The following RHOH variants were observed in gnomAD, a reference collection of about 807,000 sequenced individuals.
RHOH encodes ras homolog family member H.
A neutral mutation model predicts 13.8 loss-of-function variants in RHOH; 6 were observed. That is an observed-to-expected ratio of 0.44 (90% CI 0.24 to 0.86). RHOH has a LOEUF of 0.86. Ranked by LOEUF, RHOH falls within the 40% of genes least tolerant of loss-of-function variation. The pLI is 0.24. For missense variants in RHOH, 147 were observed against 244.5 expected (o/e 0.60, Z 2.66); for synonymous variants, 117 against 103.0 (o/e 1.14, Z -0.82).
intron 1 of RHOH, among the ~76,000 whole-genome samples, chr4:40,210,170 A>C (rs1203086543): frequency 6.6e-6 from 1 of 151,830 alleles, no homozygotes; most frequent in Non-Finnish European, 1.5e-5. Context: ...CATGATCATA[A>C]GAGGACAGCT....
chr4:40,198,928 CT>C (rs74738163), intron 1 of RHOH, among the ~76,000 whole-genome samples: 2 of 151,926 alleles, frequency 1.3e-5, no homozygotes, highest in African/African-American at 4.8e-5. Flanking sequence ...AATTCAGACA[CT>C]TTTTTTCTGG....
intron 1 of RHOH, among the ~76,000 whole-genome samples, chr4:40,202,523 G>A (rs553155122): frequency 1.3e-5 from 2 of 152,322 alleles, no homozygotes; most frequent in East Asian, 3.8e-4. Context: ...ATCTTGAGTA[G>A]TTTTAACATT....
At chr4:40,221,362 A>G (rs1349965639) in intron 1 of RHOH, among the ~76,000 whole-genome samples, 1 of 152,110 alleles carries the variant, frequency 6.6e-6, no homozygotes, top group African/African-American at 2.4e-5. Context: ...CTCCACAGAT[A>G]TTGCATTTTA....
At chr4:40,223,293 G>C (rs978846163) in intron 1 of RHOH, among the ~76,000 whole-genome samples, 1 of 152,102 alleles carries the variant, frequency 6.6e-6, no homozygotes, top group African/African-American at 2.4e-5. Flanking sequence ...ATGCTACAGA[G>C]AAATCTTTCA....
At chr4:40,203,555 A>T (rs867515787) in intron 1 of RHOH, among the ~76,000 whole-genome samples, 5 of 150,606 alleles carry the variant, frequency 3.3e-5, no homozygotes, top group East Asian at 1.9e-4. Context: ...AGAGAGAGAG[A>T]GTGTGTGTGT....
At position 40,207,818 on chromosome 4, in the gene RHOH, T is replaced by C. The variant is rs574559043; in HGVS notation, c.-331+10518T>C. Among the ~76,000 whole-genome samples, 5 of 152,144 alleles carry C rather than the reference T, an allele frequency of 3.3e-5. No homozygotes were observed. In the East Asian group the frequency reaches 9.7e-4, roughly 29 times the overall value. On this transcript the variant is annotated intron_variant, in intron 1 of 2. Transcript: ENST00000381799. ...CTGGTCTCTACTAAAAATACAAAAATTAGCCAGGCGTGGTTGCTCACACCT... is the reference window on the plus strand; with the variant it reads ...CTGGTCTCTACTAAAAATACAAAAACTAGCCAGGCGTGGTTGCTCACACCT...
intron 1 of RHOH, among the ~76,000 whole-genome samples, chr4:40,219,329 T>C (rs761331862): frequency 1.3e-5 from 2 of 151,210 alleles, no homozygotes; most frequent in Admixed American, 1.3e-4. Context: ...GGCGAATCAC[T>C]TGAACCCAGG....
chr4:40,221,572 C>T (rs921014271), intron 1 of RHOH, among the ~76,000 whole-genome samples: 6 of 152,114 alleles, frequency 3.9e-5, no homozygotes, highest in Non-Finnish European at 7.4e-5. Flanking sequence ...TTTTGGGGCA[C>T]GATGAATCAT....
At chr4:40,209,117 A>G (rs1213072937) in intron 1 of RHOH, among the ~76,000 whole-genome samples, 4 of 152,148 alleles carry the variant, frequency 2.6e-5, no homozygotes, top group African/African-American at 7.2e-5. Context: ...ATTAGTTAAA[A>G]TGATTCTGAC....
chr4:40,227,398 G>C (rs1024809194), intron 1 of RHOH, among the ~76,000 whole-genome samples: 1 of 152,238 alleles, frequency 6.6e-6, no homozygotes, highest in Non-Finnish European at 1.5e-5. Flanking sequence ...ATCCTGTGTA[G>C]ATGGAAAGTG....
intron 1 of RHOH, among the ~76,000 whole-genome samples, chr4:40,199,953 G>A (rs1430086676): frequency 6.6e-6 from 1 of 152,188 alleles, no homozygotes; most frequent in African/African-American, 2.4e-5. Flanking sequence ...TCCTAATTAT[G>A]TGTGCAGATG....
At position 40,243,372 on chromosome 4, in the gene RHOH, C is replaced by T. The variant is rs746884004; in HGVS notation, c.-15C>T. Reference sequence around the variant, plus strand: ...TGGGATTCTGGACTTCAGAGTAGGACAGCAGGCTGGGAAGATGCTGAGTTC... The same window carrying T: ...TGGGATTCTGGACTTCAGAGTAGGATAGCAGGCTGGGAAGATGCTGAGTTC... On this transcript the variant is annotated 5_prime_UTR_variant, in exon 3 of 3. Transcript: ENST00000381799. The surrounding 1 kb of genome is among the most constrained non-coding windows in gnomAD (Gnocchi z 6.2). The T allele has an allele frequency of 2.6e-6, 4 of 1,564,568 alleles. No homozygotes were observed. Among genetic ancestry groups the T allele is most frequent in the South Asian group, 1.2e-5 (1 of 83,052 alleles).
chr4:40,222,205 C>T (rs1011796258), intron 1 of RHOH, among the ~76,000 whole-genome samples: 1 of 152,174 alleles, frequency 6.6e-6, no homozygotes, highest in Non-Finnish European at 1.5e-5. Flanking sequence ...TAAACTACAG[C>T]AAGTTATCCA....
chr4:40,194,859 A>G (rs578073731), upstream of RHOH, among the ~76,000 whole-genome samples: 1 of 152,312 alleles, frequency 6.6e-6, no homozygotes, highest in East Asian at 1.9e-4. Flanking sequence ...CACCTCACGG[A>G]CTTGTGGCTG....
chr4:40,215,791 A>G (rs1004827381), intron 1 of RHOH, among the ~76,000 whole-genome samples: 1 of 152,114 alleles, frequency 6.6e-6, no homozygotes, highest in African/African-American at 2.4e-5. Context: ...GTGGTGGTGC[A>G]TGCCTGTAAT....
chr4:40,193,856 C>G (rs2109328170), upstream of RHOH: 1 of 152,366 alleles, frequency 6.6e-6, no homozygotes, highest in African/African-American at 2.4e-5. Flanking sequence ...TGGGGTGGGA[C>G]ACACCCAGTC....
intron 1 of RHOH, among the ~76,000 whole-genome samples, chr4:40,211,669 C>A (rs1022882341): frequency 1.3e-5 from 2 of 152,008 alleles, no homozygotes; most frequent in South Asian, 4.2e-4. Context: ...GTGGATGGTA[C>A]AAAGACCAAA....
At position 40,246,820 on chromosome 4, in the gene RHOH, C is replaced by G. The variant is rs755926335; in HGVS notation, c.*2858C>G. 1.3e-5 allele frequency: 2 copies of G among 152,202 alleles called. No individual in the cohort carries two copies. Among genetic ancestry groups the G allele is most frequent in the Non-Finnish European group, 2.9e-5 (2 of 68,042 alleles). The allele number at this position is 152,202 out of a possible 1,614,324, so 9.4% of individuals were successfully genotyped here. The stretch of plus-strand genomic sequence containing the variant: ...GTTGTGTGTTCTACATAAGCACATA[C>G]TTACTTTTGCCTGCCTAGATGCAGA... On this transcript the variant is annotated 3_prime_UTR_variant, in exon 3 of 3. Coordinates refer to ENST00000381799, the MANE Select transcript of RHOH (RefSeq NM_004310.5).
intron 1 of RHOH, among the ~76,000 whole-genome samples, chr4:40,224,635 T>G (rs946399625): frequency 1.5e-4 from 23 of 152,244 alleles, no homozygotes; most frequent in African/African-American, 5.5e-4. Flanking sequence ...CTTAATGGTG[T>G]GTACAGCTTT....
Sources: gnomAD v4.1 joint callset for allele counts (sites outside exome capture counted in the v4.1 genomes callset) on GRCh38, gnomAD v4.1.1 for gene constraint, Gnocchi (gnomAD v3.1) non-coding constraint, MANE v1.5 for transcripts, NCBI Gene and HGNC (gene_info 2026-07-23, HGNC 2026-07-21) for gene names.